Variants in RBFOX1 observed in about 807,000 individuals in gnomAD.
The protein encoded by RBFOX1 is RNA binding protein fox-1 homolog 1.
In RBFOX1, 8 loss-of-function variants were observed where a neutral mutation model predicts 57.7. That is an observed-to-expected ratio of 0.14 (90% CI 0.08 to 0.25). The LOEUF (loss-of-function observed/expected upper bound fraction) is 0.25. Ranked by LOEUF, RBFOX1 falls within the 10% of genes least tolerant of loss-of-function variation. The probability of loss-of-function intolerance (pLI) is 1.00; values close to 1 mark genes in which losing one functional copy is unlikely to be tolerated. For synonymous variants in RBFOX1, 326 were observed against 222.4 expected, an observed-to-expected ratio of 1.47 and a Z score of -4.15; for missense variants, 611 against 548.5, an observed-to-expected ratio of 1.11 and a Z score of -1.14.
At chr16:7,475,345 C>T (rs533463142) in intron 4 of RBFOX1, among the ~76,000 whole-genome samples, 42 of 146,624 alleles carry the variant, frequency 2.9e-4, no homozygotes, top group African/African-American at 6.6e-4. Flanking sequence ...GATGGAGTCT[C>T]GCTCTGTCAC....
intron 4 of RBFOX1, among the ~76,000 whole-genome samples, chr16:7,168,473 G>A (rs1467585692): frequency 6.6e-6 from 1 of 152,174 alleles, no homozygotes; most frequent in Non-Finnish European, 1.5e-5. Context: ...GCTCAAAGAG[G>A]TGGCTATAGG....
chr16:7,582,763 G>T (rs905770574), intron 6 of RBFOX1, among the ~76,000 whole-genome samples: 17 of 152,136 alleles, frequency 1.1e-4, no homozygotes, highest in Admixed American at 2.6e-4. Flanking sequence ...TTTGACAGGG[G>T]TTTACAGTGA....
At position 7,137,584 on chromosome 16, in the gene RBFOX1, A is replaced by G. The variant is rs182115084; in HGVS notation, c.27+85486A>G. Among the ~76,000 whole-genome samples the G allele has an allele frequency of 2.4e-3, 361 of 152,210 alleles. 5 individuals carry two copies. Among genetic ancestry groups the G allele is most frequent in the Non-Finnish European group, 3.8e-3 (256 of 68,016 alleles). Reference sequence around the variant, plus strand: ...CCATTAAACCTCCTTTTCTTTATACATTACCCAGTCTCAGGTATGTCTTTA... The same window carrying G: ...CCATTAAACCTCCTTTTCTTTATACGTTACCCAGTCTCAGGTATGTCTTTA... On this transcript the variant is annotated intron_variant, in intron 4 of 15. Coordinates refer to ENST00000550418, the MANE Select transcript of RBFOX1 (RefSeq NM_018723.4).
chr16:6,684,430 G>A (rs889038452), intron 3 of RBFOX1, among the ~76,000 whole-genome samples: 1 of 152,210 alleles, frequency 6.6e-6, no homozygotes, highest in Non-Finnish European at 1.5e-5. Flanking sequence ...ATAGGAGAGG[G>A]AATATCAAGA....
chr16:6,629,052 A>G (rs557367068), intron 2 of RBFOX1, among the ~76,000 whole-genome samples: 1 of 152,336 alleles, frequency 6.6e-6, no homozygotes, highest in African/African-American at 2.4e-5. Context: ...GAATCAGCAT[A>G]CATACTAAAC....
intron 3 of RBFOX1, among the ~76,000 whole-genome samples, chr16:6,747,452 C>CTGTT (rs1218377932): frequency 6.7e-6 from 1 of 149,650 alleles, no homozygotes; most frequent in Non-Finnish European, 1.5e-5. Context: ...GTTAGTCTGT[C>CTGTT]TGTCTGTCTG....
At chr16:6,795,018 A>T (rs79719480) in intron 3 of RBFOX1, among the ~76,000 whole-genome samples, 1,527 of 152,240 alleles carry the variant, frequency 0.01, 35 homozygotes, top group African/African-American at 0.035. Context: ...AGTCAGCTTA[A>T]TTCTCTTTTC....
intron 1 of RBFOX1, among the ~76,000 whole-genome samples, chr16:5,284,756 A>ATTTTTTTTTTTTTTTTTTTTTTT (rs1166998032): frequency 6.1e-4 from 37 of 61,048 alleles, no homozygotes; most frequent in African/African-American, 9.2e-4. Flanking sequence ...TTTGGCTTAG[A>ATTTTTTTTTTTTTTTTTTTTTTT]TTTTTTTTTT....
chr16:6,591,710 C>T (rs758504832), intron 2 of RBFOX1, among the ~76,000 whole-genome samples: 1 of 152,188 alleles, frequency 6.6e-6, no homozygotes, highest in Non-Finnish European at 1.5e-5. Context: ...TAATTTCTAT[C>T]TAATTTGTAC....
chr16:5,444,174 A>G (rs186699684), intron 1 of RBFOX1, among the ~76,000 whole-genome samples: 15 of 152,332 alleles, frequency 9.8e-5, no homozygotes, highest in Admixed American at 5.9e-4. Context: ...TGTTCTATTA[A>G]TGAACATAGG....
At chr16:6,699,884 C>G (rs1284053723) in intron 3 of RBFOX1, among the ~76,000 whole-genome samples, 1 of 152,112 alleles carries the variant, frequency 6.6e-6, no homozygotes, top group Non-Finnish European at 1.5e-5. Context: ...TGCCACAAGT[C>G]CTTCAATTTG....
chr16:6,295,106 T>TG (rs200612869), intron 1 of RBFOX1, among the ~76,000 whole-genome samples: 1 of 15,514 alleles, frequency 6.4e-5, no homozygotes, highest in African/African-American at 8.2e-5. Flanking sequence ...TGAGTTTTTT[T>TG]TTTTTTTTTT....
chr16:6,661,035 A>G (rs552493759), intron 3 of RBFOX1, among the ~76,000 whole-genome samples: 32 of 152,316 alleles, frequency 2.1e-4, no homozygotes, highest in Non-Finnish European at 3.2e-4. Flanking sequence ...AGTCCTATGT[A>G]CTGCAGCGAC....
intron 2 of RBFOX1, among the ~76,000 whole-genome samples, chr16:6,509,672 A>G (rs1158827251): frequency 6.6e-6 from 1 of 152,226 alleles, no homozygotes; most frequent in Non-Finnish European, 1.5e-5. Context: ...ACATTTTTAA[A>G]TAAGTAAAAG....
At chr16:7,183,486 C>G (rs547447596) in intron 4 of RBFOX1, among the ~76,000 whole-genome samples, 1 of 152,140 alleles carries the variant, frequency 6.6e-6, no homozygotes, top group East Asian at 1.9e-4. Context: ...TGGGTTCATC[C>G]AAATTTTAGC....
intron 4 of RBFOX1, among the ~76,000 whole-genome samples, chr16:7,127,010 CAAAAA>C (rs4035897): frequency 5.4e-5 from 7 of 129,186 alleles, no homozygotes; most frequent in African/African-American, 1.5e-4. Flanking sequence ...GAATCCGTCT[CAAAAA>C]AAAAAAAAAA....
rs12927685 is a variant in RBFOX1, at chr16:6,187,128, A to T, written c.-126-129867A>T. Among the ~76,000 whole-genome samples, 1,227 of 152,160 alleles carry T rather than the reference A, an allele frequency of 8.1e-3. 14 individuals are homozygous for T. The highest frequency in any genetic ancestry group is 0.028 in the African/African-American group (1,152 of 41,516). On this transcript the variant is annotated intron_variant, in intron 1 of 15. Coordinates refer to ENST00000550418, the MANE Select transcript of RBFOX1 (RefSeq NM_018723.4). ...AGAGAGACACTTTTATCGTAGATGT[A>T]TAGTTAGAAAGTTATTGTCATGCTT...
intron 1 of RBFOX1, among the ~76,000 whole-genome samples, chr16:6,044,325 G>C (rs1474007280): frequency 6.6e-6 from 1 of 152,046 alleles, no homozygotes; most frequent in Non-Finnish European, 1.5e-5. Flanking sequence ...GCAAAGCTTT[G>C]TGCGTTCTTA....
chr16:6,548,767 C>T (rs748180598), intron 2 of RBFOX1, among the ~76,000 whole-genome samples: 5 of 152,036 alleles, frequency 3.3e-5, no homozygotes, highest in South Asian at 4.1e-4. Context: ...TTCTTCCACA[C>T]GTAGTCTTCG....
Sources: gnomAD v4.1 joint callset for allele counts (sites outside exome capture counted in the v4.1 genomes callset) on GRCh38, gnomAD v4.1.1 for gene constraint, MANE v1.5 for transcripts, NCBI Gene and HGNC (gene_info 2026-07-23, HGNC 2026-07-21) for gene names.